The following CPVL variants were observed in gnomAD, a reference collection of about 807,000 sequenced individuals.
CPVL encodes the protein carboxypeptidase vitellogenic like.
Under a neutral mutation model 63.7 loss-of-function variants are expected in CPVL, and 51 were observed. The ratio of observed to expected loss-of-function variants is 0.80; its 90% CI spans 0.64 to 1.01. The LOEUF is 1.01. Ranked by LOEUF, CPVL falls within the 50% of genes least tolerant of loss-of-function variation. The pLI, the probability that CPVL is intolerant of heterozygous loss-of-function variation, is 0.00. For synonymous variants in CPVL, 195 were observed against 206.0 expected (o/e 0.95, Z 0.46); for missense variants, 530 against 573.1 (o/e 0.92, Z 0.77).
intron 5 of CPVL, among the ~76,000 whole-genome samples, chr7:29,159,804 A>G (rs1467421785): frequency 6.6e-6 from 1 of 152,224 alleles, no homozygotes; most frequent in African/African-American, 2.4e-5. Flanking sequence ...TTCTTATGCT[A>G]GAAAATAAGC....
intron 11 of CPVL, among the ~76,000 whole-genome samples, chr7:29,039,873 T>C (rs1584067467): frequency 6.6e-6 from 1 of 152,244 alleles, no homozygotes; most frequent in African/African-American, 2.4e-5. Flanking sequence ...GCTTATATTC[T>C]GGTCCATTTA....
At chr7:29,136,193 GT>G (rs1203285045) in intron 1 of CPVL, among the ~76,000 whole-genome samples, 7 of 152,198 alleles carry the variant, frequency 4.6e-5, no homozygotes, top group African/African-American at 1.7e-4. Context: ...TACCGCATGA[GT>G]TTTTGTAAAA....
chr7:29,137,904 A>G (rs1335239631), intron 1 of CPVL, among the ~76,000 whole-genome samples: 1 of 152,232 alleles, frequency 6.6e-6, no homozygotes, highest in Non-Finnish European at 1.5e-5. Context: ...AGAGCTGATC[A>G]GGGAGAGTTT....
intron 11 of CPVL, among the ~76,000 whole-genome samples, chr7:29,052,695 G>A (rs1790310469): frequency 6.6e-6 from 1 of 152,118 alleles, no homozygotes; most frequent in Non-Finnish European, 1.5e-5. Context: ...GGATCATGAG[G>A]TCAGGACATC....
rs533603461 is a variant in CPVL at position 29,094,724 on chromosome 7, G to T, written c.462+360C>A. Among the ~76,000 whole-genome samples, 7 of 152,032 alleles carry T rather than the reference G, an allele frequency of 4.6e-5. No homozygotes were observed. The South Asian group carries it at 1.5e-3, about 32-fold the overall frequency. ...CTAAAAATACAAAAATCAGCCAGGT[G>T]TGGTGGCACACGCCTGTAATCCCAG... On this transcript the variant is annotated intron_variant, in intron 5 of 12. Coordinates refer to ENST00000265394, the MANE Select transcript of CPVL (RefSeq NM_031311.5).
intron 11 of CPVL, among the ~76,000 whole-genome samples, chr7:29,046,208 C>A (rs1789596781): frequency 6.6e-6 from 1 of 151,808 alleles, no homozygotes; most frequent in Admixed American, 6.6e-5. Context: ...CCTCAACCTC[C>A]CAAGTAGCTG....
Position 29,085,370 on chromosome 7 carries a change from A to G in CPVL, c.609+1114T>C, listed in dbSNP as rs560129789. Among the ~76,000 whole-genome samples the G allele has an allele frequency of 1.8e-4, 28 of 152,368 alleles. No homozygotes were observed. The East Asian group carries it at 5.0e-3, about 27-fold the overall frequency. ...CAAATTTAAAGCAATGTAAACATCA[A>G]AAATAAAAAACAAATTTTAACAGAT... On this transcript the variant is annotated intron_variant, in intron 7 of 12. Transcript: ENST00000265394.
At chr7:29,118,585 T>C (rs1167829405) in intron 2 of CPVL, among the ~76,000 whole-genome samples, 2 of 152,142 alleles carry the variant, frequency 1.3e-5, no homozygotes. Flanking sequence ...TTGAAGCCAA[T>C]GTGTATTTCA....
At chr7:29,012,423 TA>T (rs942420466) in intron 12 of CPVL, 5 of 152,246 alleles carry the variant, frequency 3.3e-5, no homozygotes, top group African/African-American at 1.2e-4. Flanking sequence ...CTAATGCTTT[TA>T]AACAAATAAA....
At chr7:29,169,242 A>G (rs1334079545) in intron 5 of CPVL, among the ~76,000 whole-genome samples, 1 of 152,218 alleles carries the variant, frequency 6.6e-6, no homozygotes, top group East Asian at 1.9e-4. Flanking sequence ...TAAATGCACT[A>G]TGCTGATATT....
chr7:29,170,728 G>C (rs936640702), intron 5 of CPVL, among the ~76,000 whole-genome samples: 17 of 152,154 alleles, frequency 1.1e-4, no homozygotes, highest in African/African-American at 3.9e-4. Context: ...ACTCGCGACT[G>C]GGCAATTTAC....
chr7:29,105,612 C>A (rs1038562597), intron 3 of CPVL, among the ~76,000 whole-genome samples: 10 of 152,058 alleles, frequency 6.6e-5, no homozygotes, highest in Non-Finnish European at 1.5e-4. Flanking sequence ...CAGTTAAGGC[C>A]CAATCAGAAG....
rs147377941 is a variant in CPVL, at chr7:29,117,676, A to G, written c.169+3217T>C. 5.3e-4 allele frequency among the ~76,000 whole-genome samples: 80 copies of G among 152,288 alleles called. No individual in the cohort carries two copies. In the East Asian group the frequency reaches 0.014, roughly 27 times the overall value. ...TACTAGTTTTATGGCCCTAGGCAAG[A>G]TATTTGATTTCTCCGGGCCTCAGTG... is the stretch of plus-strand genomic sequence containing the variant. On this transcript the variant is annotated intron_variant, in intron 2 of 12. Coordinates refer to ENST00000265394, the MANE Select transcript of CPVL (RefSeq NM_031311.5).
intron 3 of CPVL, among the ~76,000 whole-genome samples, chr7:29,096,741 T>C (rs1307501678): frequency 6.6e-6 from 1 of 152,088 alleles, no homozygotes; most frequent in Non-Finnish European, 1.5e-5. Context: ...CCCAGCACTT[T>C]GGGAGGCCGA....
chr7:29,149,189 CTTTT>C (rs60520174), upstream of CPVL, among the ~76,000 whole-genome samples: 3 of 100,340 alleles, frequency 3.0e-5, no homozygotes, highest in Non-Finnish European at 5.5e-5. Flanking sequence ...GTCTGTTTCC[CTTTT>C]TTTTTTTTTT....
chr7:29,180,135 T>C (rs995792858), intron 5 of CPVL, among the ~76,000 whole-genome samples: 3 of 152,216 alleles, frequency 2.0e-5, no homozygotes, highest in African/African-American at 7.2e-5. Flanking sequence ...TGTTCCCCAA[T>C]AGTTTTTTTA....
intron 5 of CPVL, among the ~76,000 whole-genome samples, chr7:29,177,278 G>A (rs1166468178): frequency 1.3e-5 from 2 of 149,684 alleles, no homozygotes; most frequent in Non-Finnish European, 1.5e-5. Context: ...TTTTGAGACA[G>A]AGTCTCACTC....
intron 3 of CPVL, among the ~76,000 whole-genome samples, chr7:29,097,946 G>C (rs1430800357): frequency 6.6e-6 from 1 of 152,160 alleles, no homozygotes; most frequent in Non-Finnish European, 1.5e-5. Context: ...GGAAGGCACA[G>C]TCGCCAGGCG....
intron 11 of CPVL, 146 bp downstream of exon 11, chr7:29,063,915 A>C: frequency 1.7e-6 from 1 of 605,802 alleles, no homozygotes; most frequent in Non-Finnish European, 2.8e-6. Flanking sequence ...TTGAATTGGA[A>C]TCAAACAAAG....
Sources: gnomAD v4.1 joint callset for allele counts (sites outside exome capture counted in the v4.1 genomes callset) on GRCh38, gnomAD v4.1.1 for gene constraint, MANE v1.5 for transcripts, NCBI Gene and HGNC (gene_info 2026-07-23, HGNC 2026-07-21) for gene names.